ZNF704: variants seen among roughly 807,000 people sequenced by gnomAD.
The protein encoded by ZNF704 is glucocorticoid induced gene 1.
A neutral mutation model predicts 44.7 loss-of-function variants in ZNF704; 10 were observed. The observed-to-expected ratio is 0.22, with a 90% CI of 0.14 to 0.38. The LOEUF is 0.38. Among genes scored for constraint, ZNF704 ranks in the 10% least tolerant of loss-of-function variants. ZNF704 has a pLI of 1.00. For missense variants in ZNF704, 390 were observed against 545.5 expected, an observed-to-expected ratio of 0.71 and a Z score of 2.84; for synonymous variants, 211 against 207.6, an observed-to-expected ratio of 1.02 and a Z score of -0.14.
chr8:80,771,586 G>T (rs1469401066), intron 2 of ZNF704, among the ~76,000 whole-genome samples: 1 of 151,928 alleles, frequency 6.6e-6, no homozygotes, highest in Admixed American at 6.6e-5. Context: ...TTAGTTCTAG[G>T]AGTCTTTTTA....
At chr8:80,700,237 A>T (rs1358453600) in intron 2 of ZNF704, among the ~76,000 whole-genome samples, 2 of 152,210 alleles carry the variant, frequency 1.3e-5, no homozygotes. Flanking sequence ...CAATATCCTA[A>T]CTTCGTAACT....
chr8:80,645,018 T>A, intron 7 of ZNF704: 1 of 1,249,248 alleles, frequency 8.0e-7, no homozygotes, highest in Non-Finnish European at 1.2e-6. Context: ...GACCCATCCC[T>A]GACTCTGCTG....
chr8:80,708,433 C>T (rs1032788736), intron 2 of ZNF704, among the ~76,000 whole-genome samples: 3 of 152,190 alleles, frequency 2.0e-5, no homozygotes, highest in Non-Finnish European at 2.9e-5. Context: ...TTAGTAATGC[C>T]AAACAGGGCT....
At chr8:80,784,830 C>A (rs1807588899) in intron 2 of ZNF704, among the ~76,000 whole-genome samples, 1 of 152,100 alleles carries the variant, frequency 6.6e-6, no homozygotes, top group South Asian at 2.1e-4. Flanking sequence ...CCAAGGTCAT[C>A]TAGGCTTTCT....
intron 2 of ZNF704, among the ~76,000 whole-genome samples, chr8:80,807,091 T>C (rs550740332): frequency 1.3e-5 from 2 of 152,294 alleles, no homozygotes; most frequent in East Asian, 1.9e-4. Flanking sequence ...TATGATTCCA[T>C]AGGGAATACA....
intron 7 of ZNF704, chr8:80,658,811 T>C (rs757023650): frequency 6.6e-6 from 1 of 152,172 alleles, no homozygotes; most frequent in Admixed American, 6.5e-5. Context: ...TGGTTGACAA[T>C]AAGAAGCTTT....
At chr8:80,768,285 A>G (rs1159842952) in intron 2 of ZNF704, among the ~76,000 whole-genome samples, 2 of 152,166 alleles carry the variant, frequency 1.3e-5, no homozygotes, top group African/African-American at 4.8e-5. Context: ...CTCCTTAAAA[A>G]ATAAAGCTTT....
In ZNF704 at chr8:80,831,034, G is replaced by A. The variant is rs534246188; in HGVS notation, c.-21-9419C>T. Among the ~76,000 whole-genome samples, 12 of 152,058 alleles carry A rather than the reference G, an allele frequency of 7.9e-5. 1 individual carries two copies. In the South Asian group the frequency reaches 2.1e-3, roughly 26 times the overall value. ...CTCCCAAAGTGCTGGGAATACAAGCGTGAGCCACTGCACCCGGCCTAGAGG... is the reference window on the plus strand; with the variant it reads ...CTCCCAAAGTGCTGGGAATACAAGCATGAGCCACTGCACCCGGCCTAGAGG... On this transcript the variant is annotated intron_variant, in intron 1 of 8. Coordinates refer to ENST00000327835, the MANE Select transcript of ZNF704 (RefSeq NM_001033723.3).
At chr8:80,799,775 C>T (rs1734658803) in intron 2 of ZNF704, among the ~76,000 whole-genome samples, 1 of 152,138 alleles carries the variant, frequency 6.6e-6, no homozygotes, top group South Asian at 2.1e-4. Context: ...ATGACTGCAA[C>T]ACCTCTCCAG....
At chr8:80,861,991 CTTTTTTTTTTTTTTT>C (rs71266093) in intron 1 of ZNF704, among the ~76,000 whole-genome samples, 8 of 92,950 alleles carry the variant, frequency 8.6e-5, no homozygotes, top group African/African-American at 1.6e-4. Flanking sequence ...AAAAAATAAC[CTTTTTTTTTTTTTTT>C]TTTTTTTTTT....
chr8:80,819,920 C>T (rs747313697), intron 2 of ZNF704, among the ~76,000 whole-genome samples: 20 of 152,060 alleles, frequency 1.3e-4, no homozygotes, highest in Non-Finnish European at 2.4e-4. Flanking sequence ...AGAAATGAAA[C>T]GTTAATTACA....
chr8:80,718,057 TTTTTGTC>T (rs2131666778), intron 2 of ZNF704, among the ~76,000 whole-genome samples: 1 of 152,188 alleles, frequency 6.6e-6, no homozygotes, highest in East Asian at 1.9e-4. Flanking sequence ...GCCTTCCTCG[TTTTTGTC>T]TCCACCTTCC....
Position 80,699,528 on chromosome 8 carries a change from C to T in ZNF704, c.222-6421G>A, listed in dbSNP as rs373000121. Among the ~76,000 whole-genome samples the T allele has an allele frequency of 5.2e-4, 79 of 152,270 alleles. 1 individual carries two copies. The highest frequency in any genetic ancestry group is 3.4e-3 in the Middle Eastern group (1 of 294). On this transcript the variant is annotated intron_variant, in intron 2 of 8. Transcript: ENST00000327835. ...ATACATAAGGCAATATACACCAGTA[C>T]ATCTGAAGCCATCTGTGGTGAAGGG...
intron 2 of ZNF704, among the ~76,000 whole-genome samples, chr8:80,813,523 C>G (rs1169637258): frequency 6.6e-6 from 1 of 152,130 alleles, no homozygotes; most frequent in African/African-American, 2.4e-5. Context: ...CACATACATA[C>G]ACACACATAC....
intron 2 of ZNF704, among the ~76,000 whole-genome samples, chr8:80,705,232 G>A (rs73273035): frequency 0.072 from 11,032 of 152,180 alleles, 1,358 homozygotes; most frequent in African/African-American, 0.25. Context: ...AAAGACCAGA[G>A]GGAACACAGC....
chr8:80,652,723 A>G (rs1308661188), intron 7 of ZNF704, among the ~76,000 whole-genome samples: 1 of 152,166 alleles, frequency 6.6e-6, no homozygotes, highest in Non-Finnish European at 1.5e-5. Context: ...ATTCACAGCC[A>G]AATTCTACCA....
chr8:80,677,626 G>A (rs1818391667), intron 4 of ZNF704, among the ~76,000 whole-genome samples: 1 of 152,164 alleles, frequency 6.6e-6, no homozygotes, highest in Admixed American at 6.5e-5. Context: ...ATGATATTAA[G>A]AAACATGATG....
rs377205204 is a variant in ZNF704 at position 80,638,959 on chromosome 8, A to G, written c.*2407T>C. ...TACCTGTGCACTGGCTGAACACCAG[A>G]TAAGGACTGAGCTTGGCTCAGCTAA... is the stretch of plus-strand genomic sequence containing the variant. On this transcript the variant is annotated 3_prime_UTR_variant, in exon 9 of 9. Transcript: ENST00000327835. 1.3e-5 allele frequency: 2 copies of G among 152,484 alleles called. No homozygotes were observed. Among genetic ancestry groups the G allele is most frequent in the East Asian group, 1.9e-4 (1 of 5,186 alleles). 9.4% of individuals were successfully genotyped at this position (152,484 alleles called of 1,614,324 possible).
chr8:80,670,237 T>C (rs917764541), intron 5 of ZNF704, among the ~76,000 whole-genome samples: 2 of 152,194 alleles, frequency 1.3e-5, no homozygotes, highest in African/African-American at 2.4e-5. Context: ...TAAATTTCCA[T>C]AGGGAACTGG....
Sources: allele counts gnomAD v4.1 joint callset (sites outside exome capture counted in the v4.1 genomes callset), GRCh38; gene constraint gnomAD v4.1.1; transcripts MANE v1.5; gene names NCBI Gene and HGNC (gene_info 2026-07-23, HGNC 2026-07-21).